Variants in HOMER1 observed in about 807,000 individuals in gnomAD.
HOMER1 encodes the protein homer protein homolog 1.
Under a neutral mutation model 48.9 loss-of-function variants are expected in HOMER1, and 3 were observed. The observed-to-expected ratio is 0.06, with a 90% CI of 0.03 to 0.16. HOMER1 has a LOEUF of 0.16. Ranked by LOEUF, HOMER1 falls within the 10% of genes least tolerant of loss-of-function variation. HOMER1 has a pLI of 1.00. For synonymous variants in HOMER1, 134 were observed against 146.4 expected, an observed-to-expected ratio of 0.92 and a Z score of 0.61; for missense variants, 247 against 411.4, an observed-to-expected ratio of 0.60 and a Z score of 3.46.
intron 1 of HOMER1, among the ~76,000 whole-genome samples, chr5:79,459,015 G>C (rs1344885269): frequency 6.6e-6 from 1 of 152,124 alleles, no homozygotes; most frequent in African/African-American, 2.4e-5. Context: ...CTAGTTACAA[G>C]TCACAGGGAC....
In HOMER1 at chr5:79,451,170, G is replaced by C. The variant is rs572755840; in HGVS notation, c.163-49C>G. On this transcript the variant is annotated intron_variant, in intron 2 of 8. Transcript: ENST00000334082. ...CAACCAGCAAAAAATCAGCAAACAG[G>C]CATTTAAATACAAGACCATTCAGTT... The C allele has an allele frequency of 1.4e-5, 23 of 1,594,894 alleles. No homozygotes were observed. The South Asian group carries it at 2.4e-4, about 17-fold the overall frequency.
intron 8 of HOMER1, among the ~76,000 whole-genome samples, chr5:79,379,434 T>A (rs1377409910): frequency 1.4e-4 from 16 of 115,056 alleles, no homozygotes; most frequent in Admixed American, 3.6e-4. Context: ...TATTATATAT[T>A]TATTATATAT....
chr5:79,462,902 G>A (rs1213448860), intron 1 of HOMER1, among the ~76,000 whole-genome samples: 3 of 152,126 alleles, frequency 2.0e-5, no homozygotes, highest in Non-Finnish European at 4.4e-5. Context: ...ACATTTCCTG[G>A]TATACCTTTA....
chr5:79,486,490 C>T (rs1232651724), intron 1 of HOMER1, among the ~76,000 whole-genome samples: 1 of 152,178 alleles, frequency 6.6e-6, no homozygotes, highest in Non-Finnish European at 1.5e-5. Context: ...TTATGTTATA[C>T]AGGCATTGTT....
chr5:79,511,602 T>C (rs1213869004), intron 1 of HOMER1, among the ~76,000 whole-genome samples: 1 of 152,218 alleles, frequency 6.6e-6, no homozygotes, highest in East Asian at 1.9e-4. Flanking sequence ...CCCCAAATCA[T>C]GCAAGTTATA....
intron 8 of HOMER1, among the ~76,000 whole-genome samples, chr5:79,378,289 T>C (rs1748832581): frequency 6.6e-6 from 1 of 151,490 alleles, no homozygotes; most frequent in Non-Finnish European, 1.5e-5. Flanking sequence ...TGGGTTATCT[T>C]TGTCAGTGGT....
chr5:79,510,959 C>T (rs1752926300), intron 1 of HOMER1: 4 of 520,802 alleles, frequency 7.7e-6, no homozygotes, highest in Non-Finnish European at 1.4e-5. Context: ...CTGCCATCTG[C>T]ATGGGGCTGT....
chr5:79,375,410 A>G lies in HOMER1; in HGVS notation c.*599T>C, dbSNP rs991036221. ...TAGTCACCAGAGTGAAATATCTTCC[A>G]GCACAAAAAAGGGAAGAACTCTATA... On this transcript the variant is annotated 3_prime_UTR_variant, in exon 9 of 9. Transcript: ENST00000334082. 5.3e-5 allele frequency: 8 copies of G among 152,142 alleles called. No homozygotes were observed. Among genetic ancestry groups the G allele is most frequent in the Admixed American group, 2.0e-4 (3 of 15,284 alleles). The allele number at this position is 152,142 out of a possible 1,614,324, so 9.4% of individuals were successfully genotyped here.
chr5:79,482,618 A>T (rs917354685), intron 1 of HOMER1, among the ~76,000 whole-genome samples: 18 of 152,158 alleles, frequency 1.2e-4, no homozygotes, highest in African/African-American at 3.1e-4. Context: ...CTGAAAAAAA[A>T]ATATAGTACT....
At chr5:79,437,942 C>G (rs894854347) in intron 5 of HOMER1, among the ~76,000 whole-genome samples, 1 of 152,168 alleles carries the variant, frequency 6.6e-6, no homozygotes, top group Non-Finnish European at 1.5e-5. Flanking sequence ...CAGGCATATG[C>G]CACTGCACCT....
chr5:79,377,128 G>A (rs1748792628), intron 8 of HOMER1, among the ~76,000 whole-genome samples: 1 of 152,050 alleles, frequency 6.6e-6, no homozygotes, highest in Non-Finnish European at 1.5e-5. Flanking sequence ...ACCACACCTG[G>A]CTAATTTTTA....
At chr5:79,467,041 C>T (rs1189937788) in intron 1 of HOMER1, among the ~76,000 whole-genome samples, 4 of 152,224 alleles carry the variant, frequency 2.6e-5, no homozygotes, top group East Asian at 1.9e-4. Flanking sequence ...CTGCCTGCCT[C>T]GGCCTCCCAA....
intron 1 of HOMER1, among the ~76,000 whole-genome samples, chr5:79,491,115 G>C (rs1166054822): frequency 1.1e-5 from 1 of 94,994 alleles, no homozygotes; most frequent in Admixed American, 1.4e-4. Flanking sequence ...AAAAAAGCTT[G>C]TCATGCTCTT....
intron 1 of HOMER1, among the ~76,000 whole-genome samples, chr5:79,481,003 C>A (rs1418682217): frequency 6.6e-6 from 1 of 152,112 alleles, no homozygotes; most frequent in Non-Finnish European, 1.5e-5. Context: ...TTATTTGCCC[C>A]ATATAAAGCA....
chr5:79,476,645 A>G (rs1751787080), intron 1 of HOMER1, among the ~76,000 whole-genome samples: 1 of 152,336 alleles, frequency 6.6e-6, no homozygotes, highest in African/African-American at 2.4e-5. Flanking sequence ...AAAAGAATAT[A>G]GATGAAGAAA....
At position 79,415,200 on chromosome 5, in the gene HOMER1, A is replaced by G. The variant is rs139849783; in HGVS notation, c.528-13145T>C. Among the ~76,000 whole-genome samples, 393 of 151,206 alleles carry G rather than the reference A, an allele frequency of 2.6e-3. 3 individuals carry two copies. The highest frequency in any genetic ancestry group is 0.024 in the South Asian group (113 of 4,780). On this transcript the variant is annotated intron_variant, in intron 5 of 8. Transcript: ENST00000334082. ...TCCCAAGCAGCTGGGAATATAGACAAGTGCCACCACGCCTGGCTATTTTTT... is the reference window on the plus strand; with the variant it reads ...TCCCAAGCAGCTGGGAATATAGACAGGTGCCACCACGCCTGGCTATTTTTT...
intron 1 of HOMER1, among the ~76,000 whole-genome samples, chr5:79,466,067 A>T (rs999864173): frequency 6.6e-6 from 1 of 152,190 alleles, no homozygotes; most frequent in African/African-American, 2.4e-5. Context: ...TGCACATTTA[A>T]GCAACATCTT....
intron 5 of HOMER1, among the ~76,000 whole-genome samples, chr5:79,415,941 T>C (rs1749932226): frequency 6.6e-6 from 1 of 152,150 alleles, no homozygotes; most frequent in Admixed American, 6.5e-5. Context: ...TCTATAAAAT[T>C]AGGGTTATTA....
At position 79,375,731 on chromosome 5, in the gene HOMER1, G is replaced by A. The variant is rs1041256345; in HGVS notation, c.*278C>T. On this transcript the variant is annotated 3_prime_UTR_variant, in exon 9 of 9. Transcript: ENST00000334082. ...ATATCAGGAAAAAAGATTGCATTAA[G>A]TGTCTATTTATAACTTTCTAGTTAA... 19 of 264,008 alleles carry A rather than the reference G, an allele frequency of 7.2e-5. No individual in the cohort carries two copies. Among genetic ancestry groups the A allele is most frequent in the Admixed American group, 1.0e-4 (2 of 19,124 alleles). The allele number at this position is 264,008 out of a possible 1,614,324, so 16.4% of individuals were successfully genotyped here.
Sources: allele counts gnomAD v4.1 joint callset (sites outside exome capture counted in the v4.1 genomes callset), GRCh38; gene constraint gnomAD v4.1.1; transcripts MANE v1.5; gene names NCBI Gene and HGNC (gene_info 2026-07-23, HGNC 2026-07-21).